ST7: variants seen among roughly 807,000 people sequenced by gnomAD.
ST7 encodes the protein suppressor of tumorigenicity 7 protein.
In ST7, 28 loss-of-function variants were observed where a neutral mutation model predicts 78.7. That is an observed-to-expected ratio of 0.36 (90% CI 0.26 to 0.49). ST7 has a LOEUF of 0.49. ST7 is among the 20% of genes least tolerant of loss of function. The probability of loss-of-function intolerance (pLI) is 0.99; values close to 1 mark genes in which losing one functional copy is unlikely to be tolerated. For synonymous variants in ST7, 247 were observed against 249.6 expected (o/e 0.99, Z 0.10); for missense variants, 418 against 696.0 (o/e 0.60, Z 4.49).
chr7:117,035,255 A>G (rs1796826067), intron 1 of ST7, among the ~76,000 whole-genome samples: 1 of 151,738 alleles, frequency 6.6e-6, no homozygotes, highest in Non-Finnish European at 1.5e-5. Context: ...GACCTTTTCC[A>G]GCCTCTCTTG....
chr7:117,191,383 TAG>T (rs2117400100), intron 12 of ST7, among the ~76,000 whole-genome samples: 1 of 152,296 alleles, frequency 6.6e-6, no homozygotes, highest in African/African-American at 2.4e-5. Context: ...AAGAAAATAA[TAG>T]AGAAAACTTC....
intron 1 of ST7, among the ~76,000 whole-genome samples, chr7:116,976,610 A>C (rs186374098): frequency 6.6e-6 from 1 of 152,222 alleles, no homozygotes. Context: ...CTCACATTTC[A>C]TGGACCCCAG....
chr7:117,228,709 A>G (rs1793598859), intron 15 of ST7, among the ~76,000 whole-genome samples: 2 of 152,194 alleles, frequency 1.3e-5, no homozygotes, highest in Non-Finnish European at 2.9e-5. Context: ...TAAATATACT[A>G]AATTTGCTTG....
intron 1 of ST7, among the ~76,000 whole-genome samples, chr7:116,996,167 C>T (rs185743518): frequency 2.9e-4 from 44 of 151,804 alleles, no homozygotes; most frequent in Non-Finnish European, 4.9e-4. Context: ...CTGCAACCTC[C>T]ACCTCCTGGG....
intron 1 of ST7, chr7:116,966,011 G>GTTCATTGT: frequency 2.4e-6 from 1 of 420,864 alleles, no homozygotes; most frequent in Admixed American, 3.1e-5. Context: ...TGGTTCATTG[G>GTTCATTGT]TTCATGCCCA....
chr7:117,085,397 C>T (rs1257009609), intron 1 of ST7, among the ~76,000 whole-genome samples: 1 of 152,102 alleles, frequency 6.6e-6, no homozygotes, highest in African/African-American at 2.4e-5. Flanking sequence ...GTCTGTTTTC[C>T]AGTTTTGGGG....
intron 9 of ST7, among the ~76,000 whole-genome samples, chr7:117,159,966 C>G (rs1806997837): frequency 1.3e-5 from 2 of 152,100 alleles, no homozygotes; most frequent in African/African-American, 4.8e-5. Context: ...CTTTGGGAGA[C>G]TGAGGCGGGT....
chr7:117,080,256 C>A (rs1799674324), intron 1 of ST7, among the ~76,000 whole-genome samples: 1 of 152,038 alleles, frequency 6.6e-6, no homozygotes, highest in South Asian at 2.1e-4. Flanking sequence ...ATACATGTTA[C>A]AGAAACTGTC....
chr7:117,026,987 G>A (rs1182638079), intron 1 of ST7, among the ~76,000 whole-genome samples: 1 of 152,224 alleles, frequency 6.6e-6, no homozygotes, highest in Non-Finnish European at 1.5e-5. Context: ...ATGCCCTGTG[G>A]CAAGCATCAT....
chr7:117,218,231 G>C (rs961012769), intron 13 of ST7, among the ~76,000 whole-genome samples: 1 of 152,168 alleles, frequency 6.6e-6, no homozygotes, highest in African/African-American at 2.4e-5. Flanking sequence ...GTAGGGTAGA[G>C]CTTTTATATT....
chr7:117,162,744 A>G lies in ST7; in HGVS notation c.964-8118A>G, dbSNP rs147523533. 2.9e-3 allele frequency among the ~76,000 whole-genome samples: 442 copies of G among 152,154 alleles called. 10 individuals are homozygous for G. The East Asian group carries it at 0.037, about 13-fold the overall frequency. On this transcript the variant is annotated intron_variant, in intron 9 of 15. Coordinates refer to ENST00000323984, the MANE Select transcript of ST7 (RefSeq NM_001369598.1). ...TTTATGAAGATATTTTGGCTTTTAC[A>G]TCTTATTCCTATTAACCAGGAGTTG...
At chr7:117,057,259 T>C (rs1277927841) in intron 1 of ST7, among the ~76,000 whole-genome samples, 1 of 152,212 alleles carries the variant, frequency 6.6e-6, no homozygotes, top group African/African-American at 2.4e-5. Context: ...TTATTCTTCA[T>C]ATATCTGAAA....
chr7:117,170,876 C>T lies in ST7; in HGVS notation c.978C>T (p.Phe326=), dbSNP rs1210624943. 1 of 1,592,910 alleles carries T rather than the reference C, an allele frequency of 6.3e-7. No homozygotes were observed. The highest frequency in any genetic ancestry group is 8.6e-7 in the Non-Finnish European group (1 of 1,167,272). ...TTCTGCCCTAGTTAATGAAGGAGTT[C>T]CCCCTTCTGAGTATGTTCAATATCC... The part of the protein sequence containing the change: ...VKMMRDLMKE[F]PLLSMFNIHE... Residue 326 remains phenylalanine (F), a synonymous_variant, in exon 10 of 16, where the codon TTC becomes TTT. Transcript: ENST00000323984.
intron 1 of ST7, among the ~76,000 whole-genome samples, chr7:116,998,941 G>A (rs923898950): frequency 5.9e-5 from 9 of 152,190 alleles, no homozygotes; most frequent in African/African-American, 1.9e-4. Flanking sequence ...CAGGCAGAAG[G>A]AACAGTAAGG....
At chr7:117,133,376 T>C (rs1804521427) in intron 6 of ST7, among the ~76,000 whole-genome samples, 1 of 151,908 alleles carries the variant, frequency 6.6e-6, no homozygotes, top group African/African-American at 2.4e-5. Flanking sequence ...TTAGAATGGA[T>C]CAATTATTTG....
At chr7:117,171,453 G>A (rs1807984159) in intron 10 of ST7, among the ~76,000 whole-genome samples, 1 of 152,038 alleles carries the variant, frequency 6.6e-6, no homozygotes, top group South Asian at 2.1e-4. Flanking sequence ...AATATTGGAA[G>A]ATGAAATCAT....
intron 10 of ST7, among the ~76,000 whole-genome samples, chr7:117,180,834 A>G (rs1563146419): frequency 6.6e-6 from 1 of 152,092 alleles, no homozygotes; most frequent in Non-Finnish European, 1.5e-5. Context: ...TATTTTTTGT[A>G]GAGATGAGGT....
Position 117,070,225 on chromosome 7 carries a change from A to G in ST7, c.152-29537A>G, listed in dbSNP as rs181586976. Among the ~76,000 whole-genome samples the G allele has an allele frequency of 7.2e-4, 109 of 152,372 alleles. 1 individual carries two copies. The highest frequency in any genetic ancestry group is 2.2e-4 in the Non-Finnish European group (15 of 68,026). On this transcript the variant is annotated intron_variant, in intron 1 of 15. Transcript: ENST00000323984. ...TTTCTACTCTGAGTGTTGTGAAAAG[A>G]GGCCAGACTTAAAGTCCAGTGAGTT...
intron 10 of ST7, chr7:117,187,785 T>TAAATAAAATTTTAAAATAA (rs2117374079): frequency 6.6e-6 from 1 of 152,316 alleles, no homozygotes; most frequent in South Asian, 2.1e-4. Flanking sequence ...TCTGAACTTT[T>TAAATAAAATTTTAAAATAA]AAGTAGGCCA....
Sources: gnomAD v4.1 joint callset for allele counts (sites outside exome capture counted in the v4.1 genomes callset) on GRCh38, gnomAD v4.1.1 for gene constraint, MANE v1.5 for transcripts, NCBI Gene and HGNC (gene_info 2026-07-23, HGNC 2026-07-21) for gene names.